ATRNL1: variants seen among roughly 807,000 people sequenced by gnomAD.
The protein encoded by ATRNL1 is attractin-like protein 1.
Under a neutral mutation model 182.7 loss-of-function variants are expected in ATRNL1, and 95 were observed. That is an observed-to-expected ratio of 0.52 (90% CI 0.44 to 0.62). The LOEUF (loss-of-function observed/expected upper bound fraction) is 0.62. Ranked by LOEUF, ATRNL1 falls within the 20% of genes least tolerant of loss-of-function variation. The pLI, the probability that ATRNL1 is intolerant of heterozygous loss-of-function variation, is 0.00. For missense variants in ATRNL1, 1,471 were observed against 1,679.5 expected (o/e 0.88, Z 2.17); for synonymous variants, 576 against 568.3 (o/e 1.01, Z -0.19).
chr10:115,393,300 C>G (rs139879506), intron 19 of ATRNL1, among the ~76,000 whole-genome samples: 73 of 152,180 alleles, frequency 4.8e-4, no homozygotes, highest in African/African-American at 1.5e-3. Flanking sequence ...TATACAGTAT[C>G]TATTTTCTTT....
At chr10:115,698,255 C>T (rs1176492246) in intron 26 of ATRNL1, among the ~76,000 whole-genome samples, 1 of 152,022 alleles carries the variant, frequency 6.6e-6, no homozygotes, top group Non-Finnish European at 1.5e-5. Context: ...AAACAAACAA[C>T]TCTAACAGAA....
rs2420105 is a variant in ATRNL1 at position 115,696,900 on chromosome 10, C to T, written c.3796-30348C>T. ...GAGAGAGAGAGAGAGAGAGAGAGAG[C>T]GAGCGAGCTAGGGGGGAAATGCCAC... On this transcript the variant is annotated intron_variant, in intron 26 of 28. Coordinates refer to ENST00000355044, the MANE Select transcript of ATRNL1 (RefSeq NM_207303.4). Among the ~76,000 whole-genome samples, 644 of 134,914 alleles carry T rather than the reference C, an allele frequency of 4.8e-3. 4 individuals carry two copies. Among genetic ancestry groups the T allele is most frequent in the African/African-American group, 0.014 (444 of 31,200 alleles). The allele number at this position is 134,914 out of a possible 152,430, so 88.5% of individuals were successfully genotyped here.
At chr10:115,642,440 C>CTTTTTTTTTTTTTTTTTTTTTT (rs71303504) in intron 26 of ATRNL1, among the ~76,000 whole-genome samples, 1 of 148,816 alleles carries the variant, frequency 6.7e-6, no homozygotes. Flanking sequence ...AATTCTAGTG[C>CTTTTTTTTTTTTTTTTTTTTTT]TTTTTTTTTT....
intron 1 of ATRNL1, among the ~76,000 whole-genome samples, chr10:115,102,251 A>G (rs979066109): frequency 1.3e-5 from 2 of 152,102 alleles, no homozygotes; most frequent in Non-Finnish European, 2.9e-5. Flanking sequence ...TCCAATGACC[A>G]TTTGTTGAAA....
intron 1 of ATRNL1, among the ~76,000 whole-genome samples, chr10:115,097,121 C>G (rs1554863328): frequency 6.6e-6 from 1 of 151,744 alleles, no homozygotes; most frequent in East Asian, 1.9e-4. Flanking sequence ...TTATATTAGT[C>G]AAATATAAAG....
At chr10:115,777,343 T>C (rs1197524897) in intron 27 of ATRNL1, among the ~76,000 whole-genome samples, 1 of 152,174 alleles carries the variant, frequency 6.6e-6, no homozygotes, top group Non-Finnish European at 1.5e-5. Context: ...TATAGCTTCA[T>C]TTCCTTGAAA....
chr10:115,323,838 C>T (rs1333467445), intron 18 of ATRNL1, among the ~76,000 whole-genome samples: 4 of 151,688 alleles, frequency 2.6e-5, no homozygotes, highest in East Asian at 1.9e-4. Context: ...AGTGCAGTGG[C>T]GCGATCTCGG....
chr10:115,844,405 C>T (rs1555098196), intron 27 of ATRNL1, among the ~76,000 whole-genome samples: 1 of 152,024 alleles, frequency 6.6e-6, no homozygotes, highest in African/African-American at 2.4e-5. Flanking sequence ...AGGAGTTTCC[C>T]AGGATTGATC....
rs368017086 is a variant in ATRNL1, at chr10:115,583,424, C to G, written c.3795+33888C>G. Among the ~76,000 whole-genome samples the G allele has an allele frequency of 4.6e-5, 5 of 107,728 alleles. 1 individual carries two copies. Among genetic ancestry groups the G allele is most frequent in the Non-Finnish European group, 8.2e-5 (4 of 48,994 alleles). The allele number at this position is 107,728 out of a possible 152,430, so 70.7% of individuals were successfully genotyped here. A position where few individuals can be genotyped will look rare whatever the true frequency, so the allele number is the denominator to read the frequency against. ...ATTTGTTTGTATCCTCTTTTATTTC[C>G]TTGAGCAGTGGTTTGTAGTTCTCCT... On this transcript the variant is annotated intron_variant, in intron 26 of 28. Coordinates refer to ENST00000355044, the MANE Select transcript of ATRNL1 (RefSeq NM_207303.4).
intron 26 of ATRNL1, among the ~76,000 whole-genome samples, chr10:115,636,155 T>C (rs530782920): frequency 1.3e-5 from 2 of 152,280 alleles, no homozygotes; most frequent in Non-Finnish European, 2.9e-5. Flanking sequence ...TTCAGTAAAA[T>C]TTAAATTGTG....
intron 13 of ATRNL1, among the ~76,000 whole-genome samples, chr10:115,278,814 G>T (rs146819444): frequency 6.6e-6 from 1 of 152,150 alleles, no homozygotes; most frequent in Non-Finnish European, 1.5e-5. Context: ...TGTCAAGTCA[G>T]TTGGATGATT....
rs573996096 is a variant in ATRNL1, at chr10:115,903,346, C to T, written c.4019-41312C>T. Among the ~76,000 whole-genome samples, 83 of 152,076 alleles carry T rather than the reference C, an allele frequency of 5.5e-4. 1 individual carries two copies. The highest frequency in any genetic ancestry group is 1.1e-3 in the Non-Finnish European group (77 of 68,020). On this transcript the variant is annotated intron_variant, in intron 28 of 28. Transcript: ENST00000355044. ...TGCCACTGCCCTCCATTTCCCTGGC[C>T]TGGACTTTGCTTTAGCTGCTTAAAT...
intron 9 of ATRNL1, among the ~76,000 whole-genome samples, chr10:115,226,922 C>A (rs962301662): frequency 6.6e-6 from 1 of 152,036 alleles, no homozygotes; most frequent in Non-Finnish European, 1.5e-5. Flanking sequence ...TATACAAAAT[C>A]AACTCAAAAT....
chr10:115,204,379 G>T (rs1292090155), intron 8 of ATRNL1, among the ~76,000 whole-genome samples: 4 of 152,030 alleles, frequency 2.6e-5, no homozygotes, highest in African/African-American at 9.7e-5. Context: ...AATATTAGAG[G>T]AAAAGCCTTC....
At chr10:115,318,057 G>A (rs1444092696) in intron 18 of ATRNL1, among the ~76,000 whole-genome samples, 1 of 152,070 alleles carries the variant, frequency 6.6e-6, no homozygotes, top group East Asian at 1.9e-4. Context: ...CTATTATCGA[G>A]CTGTGTTCCA....
At chr10:115,444,752 A>G (rs1348435847) in intron 21 of ATRNL1, among the ~76,000 whole-genome samples, 1 of 151,538 alleles carries the variant, frequency 6.6e-6, no homozygotes, top group East Asian at 2.0e-4. Context: ...AGAGCAAGAT[A>G]TTTATATCTT....
chr10:115,830,198 G>GTTTTT (rs1348232420), intron 27 of ATRNL1, among the ~76,000 whole-genome samples: 1 of 152,088 alleles, frequency 6.6e-6, no homozygotes, highest in East Asian at 1.9e-4. Flanking sequence ...TTTTGTTTTT[G>GTTTTT]TTTTTAGCAG....
intron 26 of ATRNL1, among the ~76,000 whole-genome samples, chr10:115,611,864 A>T (rs1392503602): frequency 2.6e-5 from 4 of 152,208 alleles, no homozygotes; most frequent in Admixed American, 6.5e-5. Context: ...ATGATTTTTT[A>T]AAATTTATTA....
chr10:115,515,687 C>T (rs1473048391), intron 24 of ATRNL1, among the ~76,000 whole-genome samples: 1 of 151,724 alleles, frequency 6.6e-6, no homozygotes, highest in Non-Finnish European at 1.5e-5. Context: ...GAAAGTTCAG[C>T]CTGTAGTTTG....
Sources: gnomAD v4.1 joint callset for allele counts (sites outside exome capture counted in the v4.1 genomes callset) on GRCh38, gnomAD v4.1.1 for gene constraint, MANE v1.5 for transcripts, NCBI Gene and HGNC (gene_info 2026-07-23, HGNC 2026-07-21) for gene names.